NAA50: variants seen among roughly 807,000 people sequenced by gnomAD.
NAA50 encodes N-alpha-acetyltransferase 50.
A neutral mutation model predicts 20.7 loss-of-function variants in NAA50; 7 were observed. The ratio of observed to expected loss-of-function variants is 0.34; its 90% CI spans 0.19 to 0.63. NAA50 has a LOEUF of 0.63. NAA50 is among the 30% of genes least tolerant of loss of function. The pLI, the probability that NAA50 is intolerant of heterozygous loss-of-function variation, is 0.75. For missense variants in NAA50, 111 were observed against 199.1 expected, an observed-to-expected ratio of 0.56 and a Z score of 2.66; for synonymous variants, 54 against 70.6, an observed-to-expected ratio of 0.77 and a Z score of 1.18.
In NAA50 at chr3:113,721,691, G is replaced by T; in HGVS notation, c.*69C>A. ...CTTTAAAAGAAAAGTGTTGGGGTGGGGGAGGAATCAATGGGCCTCTCTTTT... is the reference window on the plus strand; with the variant it reads ...CTTTAAAAGAAAAGTGTTGGGGTGGTGGAGGAATCAATGGGCCTCTCTTTT... On this transcript the variant is annotated 3_prime_UTR_variant, in exon 5 of 5. Coordinates refer to ENST00000240922, the MANE Select transcript of NAA50 (RefSeq NM_025146.4). 1 of 1,512,648 alleles carries T rather than the reference G, an allele frequency of 6.6e-7. No homozygotes were observed. The allele number at this position is 1,512,648 out of a possible 1,614,324, so 93.7% of individuals were successfully genotyped here. A position where few individuals can be genotyped will look rare whatever the true frequency, so the allele number is the denominator to read the frequency against.
chr3:113,742,752 T>A (rs1272742273), intron 1 of NAA50, among the ~76,000 whole-genome samples: 1 of 152,234 alleles, frequency 6.6e-6, no homozygotes, highest in Non-Finnish European at 1.5e-5. Flanking sequence ...TCCATATTTA[T>A]ATTACTGCTA....
chr3:113,741,059 T>G, intron 1 of NAA50: 1 of 498,880 alleles, frequency 2.0e-6, no homozygotes, highest in Non-Finnish European at 3.9e-6. Flanking sequence ...GAATCTGAAC[T>G]GAACAAGCTG....
chr3:113,745,734 G>T, intron 1 of NAA50: 3 of 571,922 alleles, frequency 5.2e-6, no homozygotes, highest in Non-Finnish European at 8.9e-6. Flanking sequence ...AAGCCCCCCG[G>T]GTCTTGCCTC....
rs1033543031 is a variant in NAA50 at position 113,746,206 on chromosome 3, C to T, written c.-257G>A. ...GCACTCGGGTCTCTCGGCTCCCTCC[C>T]GCCGCTGCCGCCAGCCAGACCCGCT... On this transcript the variant is annotated 5_prime_UTR_variant, in exon 1 of 5. Transcript: ENST00000240922. 18 of 501,382 alleles carry T rather than the reference C, an allele frequency of 3.6e-5. No individual in the cohort carries two copies. The South Asian group carries it at 4.4e-4, about 12-fold the overall frequency. 31.1% of individuals were successfully genotyped at this position (501,382 alleles called of 1,614,324 possible).
chr3:113,732,579 G>C (rs1304499016), intron 1 of NAA50, among the ~76,000 whole-genome samples: 1 of 151,954 alleles, frequency 6.6e-6, no homozygotes, highest in Non-Finnish European at 1.5e-5. Flanking sequence ...CCCACGCTTG[G>C]GGCAGCCTAC....
At chr3:113,736,338 G>A (rs1708341173) in intron 1 of NAA50, among the ~76,000 whole-genome samples, 2 of 152,170 alleles carry the variant, frequency 1.3e-5, no homozygotes, top group Admixed American at 1.3e-4. Flanking sequence ...TACTGCCAAA[G>A]TGCCTACAGA....
chr3:113,740,754 A>T (rs1224555931), intron 1 of NAA50: 10 of 154,336 alleles, frequency 6.5e-5, no homozygotes, highest in East Asian at 1.9e-4. Flanking sequence ...TTTTTTTTTT[A>T]AAGGTCACTT....
intron 1 of NAA50, among the ~76,000 whole-genome samples, chr3:113,739,182 ATTAG>A (rs1708381102): frequency 6.6e-6 from 1 of 152,256 alleles, no homozygotes; most frequent in Non-Finnish European, 1.5e-5. Context: ...TAAGGAAGCT[ATTAG>A]TTATTTCTAT....
intron 1 of NAA50, among the ~76,000 whole-genome samples, chr3:113,740,435 C>T (rs1209111426): frequency 6.6e-6 from 1 of 152,202 alleles, no homozygotes; most frequent in African/African-American, 2.4e-5. Flanking sequence ...TATCATGCCT[C>T]GATGCAGTGC....
chr3:113,743,737 C>A (rs1215762829), intron 1 of NAA50, among the ~76,000 whole-genome samples: 3 of 152,178 alleles, frequency 2.0e-5, no homozygotes, highest in Admixed American at 1.3e-4. Flanking sequence ...GTAATAGGAA[C>A]TTCACTGGCA....
At chr3:113,732,858 G>A (rs989883716) in intron 1 of NAA50, among the ~76,000 whole-genome samples, 6 of 152,072 alleles carry the variant, frequency 3.9e-5, no homozygotes, top group South Asian at 2.1e-4. Flanking sequence ...TGGCTGTGAC[G>A]TTTATATTTC....
At position 113,720,441 on chromosome 3, in the gene NAA50, A is replaced by G. The variant is rs1708120408; in HGVS notation, c.*1319T>C. On this transcript the variant is annotated 3_prime_UTR_variant, in exon 5 of 5. Transcript: ENST00000240922. The stretch of plus-strand genomic sequence containing the variant: ...TATTTCAGATGTCTCCCATCTTACA[A>G]AGTTATCAATCTGTCAAAGCCACTC... 2.0e-5 allele frequency: 3 copies of G among 152,660 alleles called. No homozygotes were observed. The highest frequency in any genetic ancestry group is 1.3e-4 in the Admixed American group (2 of 15,284). 9.5% of individuals were successfully genotyped at this position (152,660 alleles called of 1,614,324 possible). A position where few individuals can be genotyped will look rare whatever the true frequency, so the allele number is the denominator to read the frequency against.
rs74554993 is a variant in NAA50, at chr3:113,718,207, G to A, written c.*3553C>T. The stretch of plus-strand genomic sequence containing the variant: ...CACGTGAGCATCAGGCACTGTGTGT[G>A]ATACCCACACAGTGAGGAACAGAAG... On this transcript the variant is annotated 3_prime_UTR_variant, in exon 5 of 5. Transcript: ENST00000240922. 0.019 allele frequency: 2,961 copies of A among 152,286 alleles called. 43 individuals are homozygous for A. Among genetic ancestry groups the A allele is most frequent in the Non-Finnish European group, 0.03 (2,035 of 68,046 alleles). 9.4% of individuals were successfully genotyped at this position (152,286 alleles called of 1,614,324 possible).
intron 1 of NAA50, among the ~76,000 whole-genome samples, chr3:113,743,529 G>A (rs1227343444): frequency 6.6e-6 from 1 of 152,174 alleles, no homozygotes; most frequent in East Asian, 1.9e-4. Flanking sequence ...TGTAGGTTCA[G>A]TATCCGAACA....
chr3:113,745,658 A>C (rs1214348399), intron 1 of NAA50: 4 of 437,152 alleles, frequency 9.2e-6, no homozygotes, highest in Non-Finnish European at 1.6e-5. Context: ...TAGCCTTTCC[A>C]TGTTGCCCCA....
chr3:113,742,430 T>TC (rs1708430949), intron 1 of NAA50, among the ~76,000 whole-genome samples: 1 of 150,700 alleles, frequency 6.6e-6, no homozygotes, highest in Non-Finnish European at 1.5e-5. Context: ...CCTGGCTTTT[T>TC]TTTTTTTTTT....
At chr3:113,728,903 C>T (rs1016798524) in intron 1 of NAA50, among the ~76,000 whole-genome samples, 10 of 152,172 alleles carry the variant, frequency 6.6e-5, no homozygotes, top group African/African-American at 1.9e-4. Flanking sequence ...GCCTCTCCAT[C>T]CTTGGCTGCA....
At chr3:113,724,784 G>T (rs1471378166) in intron 1 of NAA50, among the ~76,000 whole-genome samples, 1 of 152,002 alleles carries the variant, frequency 6.6e-6, no homozygotes, top group East Asian at 1.9e-4. Flanking sequence ...TCATGGGGGC[G>T]GTTGCCCTCA....
At chr3:113,737,141 T>C (rs903662645) in intron 1 of NAA50, among the ~76,000 whole-genome samples, 1 of 152,194 alleles carries the variant, frequency 6.6e-6, no homozygotes, top group African/African-American at 2.4e-5. Flanking sequence ...GTCAAAGGAA[T>C]GACCTTTACC....
Sources: allele counts gnomAD v4.1 joint callset (sites outside exome capture counted in the v4.1 genomes callset), GRCh38; gene constraint gnomAD v4.1.1; transcripts MANE v1.5; gene names NCBI Gene and HGNC (gene_info 2026-07-23, HGNC 2026-07-21).